DLG2: variants seen among roughly 807,000 people sequenced by gnomAD.
DLG2 encodes the protein disks large homolog 2.
Under a neutral mutation model 132.5 loss-of-function variants are expected in DLG2, and 45 were observed. The observed-to-expected ratio is 0.34, with a 90% CI of 0.27 to 0.44. DLG2 has a LOEUF of 0.44. Among genes scored for constraint, DLG2 ranks in the 20% least tolerant of loss-of-function variants. The pLI, the probability that DLG2 is intolerant of heterozygous loss-of-function variation, is 1.00. For missense variants in DLG2, 1,045 were observed against 1,196.9 expected (o/e 0.87, Z 1.87); for synonymous variants, 424 against 419.6 (o/e 1.01, Z -0.13).
In DLG2 at chr11:85,495,527, A is replaced by T. The variant is rs139479171; in HGVS notation, c.40+103130T>A. 4.6e-3 allele frequency among the ~76,000 whole-genome samples: 704 copies of T among 152,320 alleles called. 12 individuals are homozygous for T. The East Asian group carries it at 0.062, about 13-fold the overall frequency. On this transcript the variant is annotated intron_variant, in intron 3 of 27. Coordinates refer to ENST00000376104, the MANE Select transcript of DLG2 (RefSeq NM_001142699.3). ...GATTTATGCAGCCAACAAACATGAA[A>T]AAAAGCTCATCATCACTAGTCATTA... is the stretch of plus-strand genomic sequence containing the variant.
rs117453129 is a variant in DLG2 at position 85,234,481 on chromosome 11, C to G, written c.186+50739G>C. ...TGCAAACTAAGGGCAGGAACTGCTA[C>G]GTCAAATAGTTTAACCAAAGGGTTT... On this transcript the variant is annotated intron_variant, in intron 4 of 27. Coordinates refer to ENST00000376104, the MANE Select transcript of DLG2 (RefSeq NM_001142699.3). Among the ~76,000 whole-genome samples the G allele has an allele frequency of 9.3e-4, 142 of 152,020 alleles. 3 individuals carry two copies. In the East Asian group the frequency reaches 0.025, roughly 27 times the overall value.
intron 22 of DLG2, among the ~76,000 whole-genome samples, chr11:83,481,656 C>CTGTGATCAGAACTGCATTACTA (rs2093121310): frequency 1.3e-5 from 2 of 152,054 alleles, no homozygotes; most frequent in Non-Finnish European, 2.9e-5. Flanking sequence ...AATTTGGGCA[C>CTGTGATCAGAACTGCATTACTA]ATGTTTTGCA....
intron 5 of DLG2, among the ~76,000 whole-genome samples, chr11:85,120,523 A>T (rs953935252): frequency 4.3e-4 from 66 of 152,046 alleles, no homozygotes; most frequent in Non-Finnish European, 7.4e-4. Flanking sequence ...TAAATTTTTT[A>T]AATTTTTATC....
At chr11:85,217,996 A>G (rs1355488999) in intron 4 of DLG2, among the ~76,000 whole-genome samples, 1 of 152,208 alleles carries the variant, frequency 6.6e-6, no homozygotes, top group African/African-American at 2.4e-5. Context: ...AGTTTTCAGC[A>G]TATGGCTAGC....
chr11:84,673,510 G>A (rs2099708168), intron 6 of DLG2, among the ~76,000 whole-genome samples: 1 of 150,928 alleles, frequency 6.6e-6, no homozygotes, highest in Non-Finnish European at 1.5e-5. Context: ...CTACCATATA[G>A]CATATGTGTG....
intron 17 of DLG2, chr11:83,814,814 C>A (rs144723023): frequency 4.2e-6 from 1 of 236,580 alleles, no homozygotes. Flanking sequence ...AGTTTAGATC[C>A]TTCAGAGGGA....
intron 11 of DLG2, among the ~76,000 whole-genome samples, chr11:83,986,600 G>C (rs866514145): frequency 6.6e-6 from 1 of 151,526 alleles, no homozygotes; most frequent in Non-Finnish European, 1.5e-5. Flanking sequence ...GGGTCAAATG[G>C]TATTTCTAGT....
intron 9 of DLG2, among the ~76,000 whole-genome samples, chr11:84,111,857 A>G (rs532529402): frequency 2.6e-4 from 40 of 152,282 alleles, no homozygotes; most frequent in Middle Eastern, 6.8e-3. Context: ...CCTCTCATCC[A>G]TCATTTACCA....
intron 6 of DLG2, among the ~76,000 whole-genome samples, chr11:84,953,116 C>T (rs916367654): frequency 3.9e-5 from 6 of 152,168 alleles, no homozygotes; most frequent in African/African-American, 1.2e-4. Flanking sequence ...TGTAGTCTCA[C>T]ACCCATCTTT....
intron 7 of DLG2, among the ~76,000 whole-genome samples, chr11:84,365,832 T>C (rs986438578): frequency 3.9e-5 from 6 of 152,104 alleles, no homozygotes; most frequent in African/African-American, 1.4e-4. Flanking sequence ...CAAATCTATG[T>C]CTGATTGGTG....
At chr11:83,846,940 C>CAAAAAAAA (rs1565319397) in intron 16 of DLG2, among the ~76,000 whole-genome samples, 14 of 58,160 alleles carry the variant, frequency 2.4e-4, no homozygotes, top group Non-Finnish European at 2.7e-4. Flanking sequence ...ATCTCCCAAG[C>CAAAAAAAA]CAAAAAAAAA....
rs547304576 is a variant in DLG2, at chr11:84,675,835, A to G, written c.358-141104T>C. The stretch of plus-strand genomic sequence containing the variant: ...TTGTCCAGGTTTCCCAACTGAGAGT[A>G]ATTAATTGCCAAAGGATTTATGCAC... On this transcript the variant is annotated intron_variant, in intron 6 of 27. Coordinates refer to ENST00000376104, the MANE Select transcript of DLG2 (RefSeq NM_001142699.3). 2.6e-5 allele frequency among the ~76,000 whole-genome samples: 4 copies of G among 152,230 alleles called. No homozygotes were observed. In the South Asian group the frequency reaches 8.3e-4, roughly 32 times the overall value.
At chr11:83,681,987 G>A (rs763335588) in intron 18 of DLG2, 76 of 252,398 alleles carry the variant, frequency 3.0e-4, no homozygotes, top group Non-Finnish European at 4.2e-4. Context: ...TTGATTCATC[G>A]GCTTTTCTTT....
chr11:85,561,135 C>A (rs2077212086), intron 3 of DLG2, among the ~76,000 whole-genome samples: 1 of 150,456 alleles, frequency 6.6e-6, no homozygotes, highest in South Asian at 2.1e-4. Context: ...GCAAGAGGAT[C>A]ATTTAAGGGC....
intron 17 of DLG2, among the ~76,000 whole-genome samples, chr11:83,788,437 T>C (rs1161953566): frequency 6.6e-6 from 1 of 152,214 alleles, no homozygotes. Flanking sequence ...CTGACTGTCA[T>C]ACTACCTGAG....
intron 3 of DLG2, among the ~76,000 whole-genome samples, chr11:85,502,936 C>T (rs573551792): frequency 2.1e-4 from 32 of 152,202 alleles, no homozygotes; most frequent in African/African-American, 7.7e-4. Context: ...TGTCTACACA[C>T]TCTACAATGG....
intron 6 of DLG2, among the ~76,000 whole-genome samples, chr11:84,555,217 C>A (rs1592251201): frequency 6.6e-6 from 1 of 151,788 alleles, no homozygotes; most frequent in African/African-American, 2.4e-5. Flanking sequence ...GATGTAACTG[C>A]AATAAAAAGC....
chr11:83,465,487 A>G (rs2090848282), intron 26 of DLG2, among the ~76,000 whole-genome samples: 2 of 152,186 alleles, frequency 1.3e-5, no homozygotes, highest in Non-Finnish European at 2.9e-5. Flanking sequence ...CCTGTCAAAC[A>G]CTATGGTCTT....
At chr11:84,720,702 A>C (rs556988969) in intron 6 of DLG2, 1 of 154,480 alleles carries the variant, frequency 6.5e-6, no homozygotes, top group South Asian at 2.1e-4. Flanking sequence ...CCATAAAAAT[A>C]AAAGGAAGCC....
Sources: gnomAD v4.1 joint callset for allele counts (sites outside exome capture counted in the v4.1 genomes callset) on GRCh38, gnomAD v4.1.1 for gene constraint, MANE v1.5 for transcripts, NCBI Gene and HGNC (gene_info 2026-07-23, HGNC 2026-07-21) for gene names.